Variants in SBNO2 observed in about 807,000 individuals in gnomAD.
SBNO2 encodes the protein strawberry notch homolog 2.
In SBNO2, 89 loss-of-function variants were observed where a neutral mutation model predicts 146.3. The observed-to-expected ratio is 0.61, with a 90% CI of 0.51 to 0.73. The LOEUF (loss-of-function observed/expected upper bound fraction) is 0.73. Ranked by LOEUF, SBNO2 falls within the 30% of genes least tolerant of loss-of-function variation. SBNO2 has a pLI of 0.00. For synonymous variants in SBNO2, 1,147 were observed against 892.6 expected (o/e 1.29, Z -5.08); for missense variants, 2,092 against 2,003.7 (o/e 1.04, Z -0.84).
chr19:1,172,426 C>T (rs2080486836), intron 1 of SBNO2, among the ~76,000 whole-genome samples: 1 of 152,124 alleles, frequency 6.6e-6, no homozygotes, highest in Non-Finnish European at 1.5e-5. Flanking sequence ...GGCCGGGCAG[C>T]CAGATCCCTG....
At chr19:1,116,266 C>T (rs1283275349) in intron 16 of SBNO2, among the ~76,000 whole-genome samples, 163 bp from the exon 17 acceptor site, 1 of 152,054 alleles carries the variant, frequency 6.6e-6, no homozygotes, top group Non-Finnish European at 1.5e-5. Flanking sequence ...GGACTGGGGG[C>T]TGCCTGTGAG....
intron 14 of SBNO2, among the ~76,000 whole-genome samples, chr19:1,118,777 G>T (rs562938819): frequency 6.6e-6 from 1 of 152,054 alleles, no homozygotes; most frequent in African/African-American, 2.4e-5. Flanking sequence ...GAGGCTGAGG[G>T]GGGAGAATCG....
chr19:1,142,983 C>T (rs1002511935), intron 4 of SBNO2, among the ~76,000 whole-genome samples: 1 of 152,090 alleles, frequency 6.6e-6, no homozygotes, highest in African/African-American at 2.4e-5. Context: ...AAAGTCATGA[C>T]TAGCTGTCTC....
chr19:1,132,052 C>G (rs1339838092), intron 4 of SBNO2: 1 of 1,478,912 alleles, frequency 6.8e-7, no homozygotes, highest in African/African-American at 1.5e-5. Context: ...AGACCCCTGC[C>G]CCCGAGGGCC....
At chr19:1,124,128 G>A (rs1001673441) in intron 5 of SBNO2, 106 bp from the exon 6 acceptor site, 9 of 1,034,282 alleles carry the variant, frequency 8.7e-6, no homozygotes, top group East Asian at 2.6e-5. Flanking sequence ...CCCCGTCCTC[G>A]CCTCCCCATC....
chr19:1,166,051 ATCCCAGACCCCAGAC>A (rs1306427130), intron 1 of SBNO2, among the ~76,000 whole-genome samples: 3 of 136,132 alleles, frequency 2.2e-5, no homozygotes, highest in East Asian at 2.2e-4. Flanking sequence ...CAGATCCCAG[ATCCCAGACCCCAGAC>A]CCCCAGATCT....
intron 4 of SBNO2, chr19:1,128,274 C>A (rs1034005312): frequency 2.2e-6 from 1 of 461,778 alleles, no homozygotes. Context: ...CTGGGGTGAG[C>A]CTGGTGCCAT....
At chr19:1,139,323 G>A (rs1048110951) in intron 4 of SBNO2, among the ~76,000 whole-genome samples, 5 of 152,182 alleles carry the variant, frequency 3.3e-5, no homozygotes, top group Non-Finnish European at 7.4e-5. Context: ...ATGCGTGGGC[G>A]CCGGGGCAGG....
chr19:1,135,555 T>G (rs1013764969), intron 4 of SBNO2, among the ~76,000 whole-genome samples: 2 of 152,212 alleles, frequency 1.3e-5, no homozygotes, highest in African/African-American at 4.8e-5. Context: ...TGCTGGGCAC[T>G]ACCCCACCCA....
chr19:1,125,598 G>A (rs1408762926), intron 5 of SBNO2, among the ~76,000 whole-genome samples: 3 of 151,568 alleles, frequency 2.0e-5, no homozygotes, highest in African/African-American at 7.3e-5. Flanking sequence ...TCTTGAACCT[G>A]GGAGGTGGAG....
In SBNO2 at chr19:1,173,093, G is replaced by A. The variant is rs1331822565; in HGVS notation, c.-127+1079C>T. On this transcript the variant is annotated intron_variant, in intron 1 of 31. Transcript: ENST00000361757. The surrounding 1 kb of genome is among the most constrained non-coding windows in gnomAD (Gnocchi z 4.7). The stretch of plus-strand genomic sequence containing the variant: ...CCATCCGTGCCCGGCGTCCCTGGAG[G>A]CGCTGGGTGGGCTCTCCACAACGCC... Among the ~76,000 whole-genome samples the A allele has an allele frequency of 2.0e-5, 3 of 151,912 alleles. No individual in the cohort carries two copies. Among genetic ancestry groups the A allele is most frequent in the South Asian group, 4.1e-4 (2 of 4,822 alleles).
chr19:1,112,824 G>A lies in SBNO2; in HGVS notation c.2373C>T (p.Gly791=), dbSNP rs775488638. The change falls in exon 20 of 32, where the codon GGC becomes GGT. Residue 791 remains glycine, a synonymous_variant. Coordinates refer to ENST00000361757, the MANE Select transcript of SBNO2 (RefSeq NM_014963.3). The surrounding 1 kb of genome is among the most constrained non-coding windows in gnomAD (Gnocchi z 5.9). ...GTGCACTGCAGCCCCGCACCTTCTC[G>A]CCGCTCATGAAGCGCTGCTTCTCCC... ...NLREKQRFMS[G]EKLVAIISEA... 3.8e-6 allele frequency: 6 copies of A among 1,571,836 alleles called. No individual in the cohort carries two copies. Among genetic ancestry groups the A allele is most frequent in the East Asian group, 2.4e-5 (1 of 42,308 alleles).
In SBNO2 at chr19:1,109,450, C is replaced by T. The variant is rs1425282080; in HGVS notation, c.3217-27G>A. ...TGCGGAGGGGGGCGTTGAGGCCGCG[C>T]CCCGGTCCGCCCCCCGCGGGCCCTC... On this transcript the variant is annotated intron_variant, in intron 28 of 31. Coordinates refer to ENST00000361757, the MANE Select transcript of SBNO2 (RefSeq NM_014963.3). This position sits in a 1 kb window ranked among gnomAD's most constrained non-coding sequence, Gnocchi z 4.2. 1 of 1,563,176 alleles carries T rather than the reference C, an allele frequency of 6.4e-7. No individual in the cohort carries two copies. The highest frequency in any genetic ancestry group is 1.4e-5 in the African/African-American group (1 of 73,604).
At chr19:1,130,892 G>A (rs372731235) in intron 4 of SBNO2, among the ~76,000 whole-genome samples, 41 of 152,256 alleles carry the variant, frequency 2.7e-4, no homozygotes, top group African/African-American at 8.9e-4. Flanking sequence ...CTCCCCGTCC[G>A]GTCCTTCCCA....
intron 4 of SBNO2, among the ~76,000 whole-genome samples, chr19:1,137,110 C>T (rs570788163): frequency 1.2e-4 from 17 of 145,718 alleles, no homozygotes; most frequent in African/African-American, 3.9e-4. Flanking sequence ...AAGGGATGGG[C>T]GAGGGGCAGT....
rs2079726379 is a variant in SBNO2 at position 1,109,490 on chromosome 19, C to T, written c.3216+16G>A. On this transcript the variant is annotated intron_variant, in intron 28 of 31. Coordinates refer to ENST00000361757, the MANE Select transcript of SBNO2 (RefSeq NM_014963.3). The surrounding 1 kb of genome is among the most constrained non-coding windows in gnomAD (Gnocchi z 4.2). The stretch of plus-strand genomic sequence containing the variant: ...CGCGGGCCCTCCTCTGGGGGGGTAA[C>T]CCCGCCCGACCCCACCTTGTAGGAG... The T allele has an allele frequency of 6.3e-7, 1 of 1,584,120 alleles. No individual in the cohort carries two copies.
In SBNO2 at chr19:1,122,808, G is replaced by A; in HGVS notation, c.781-17C>T. On this transcript the variant is annotated splice_polypyrimidine_tract_variant and intron_variant, in intron 8 of 31. Coordinates refer to ENST00000361757, the MANE Select transcript of SBNO2 (RefSeq NM_014963.3). ...CTCGTGTTGCTGTTGCCGGAGAGCA[G>A]GCGTCAGGGCCTGGGGGTGCTGGCC... 1 of 1,538,138 alleles carries A rather than the reference G, an allele frequency of 6.5e-7. No homozygotes were observed. Among genetic ancestry groups the A allele is most frequent in the Non-Finnish European group, 8.7e-7 (1 of 1,146,124 alleles).
chr19:1,155,079 G>GCCCT (rs1257376052), intron 1 of SBNO2: 1 of 152,206 alleles, frequency 6.6e-6, no homozygotes, highest in Admixed American at 6.5e-5. Flanking sequence ...CCCCCACCAG[G>GCCCT]CCCTACCTGG....
intron 14 of SBNO2, 73 bp downstream of exon 14, chr19:1,118,938 T>C: frequency 6.8e-7 from 1 of 1,477,578 alleles, no homozygotes. Context: ...GCCTGTGGCA[T>C]CTGCAAGGCC....
Sources: allele counts gnomAD v4.1 joint callset (sites outside exome capture counted in the v4.1 genomes callset), GRCh38; gene constraint gnomAD v4.1.1; non-coding constraint Gnocchi (gnomAD v3.1); transcripts MANE v1.5; gene names NCBI Gene and HGNC (gene_info 2026-07-23, HGNC 2026-07-21).